The following LRP1B variants were observed in gnomAD, a reference collection of about 807,000 sequenced individuals.
LRP1B encodes LDL receptor related protein 1B, also known as low-density lipoprotein receptor-related protein 1B.
Under a neutral mutation model 556.6 loss-of-function variants are expected in LRP1B, and 217 were observed. That is an observed-to-expected ratio of 0.39 (90% CI 0.35 to 0.44). LRP1B has a LOEUF of 0.44. LRP1B is among the 20% of genes least tolerant of loss of function. LRP1B has a pLI of 1.00. For synonymous variants in LRP1B, 2,047 were observed against 1,865.8 expected, an observed-to-expected ratio of 1.10 and a Z score of -2.50; for missense variants, 5,053 against 5,620.8, an observed-to-expected ratio of 0.90 and a Z score of 3.23.
At chr2:140,823,782 C>T (rs1691408032) in intron 31 of LRP1B, among the ~76,000 whole-genome samples, 1 of 151,362 alleles carries the variant, frequency 6.6e-6, no homozygotes, top group Non-Finnish European at 1.5e-5. Context: ...TTAAATTATT[C>T]AGAAAGACAG....
chr2:141,239,601 A>G (rs1573697841), intron 5 of LRP1B, among the ~76,000 whole-genome samples: 1 of 152,138 alleles, frequency 6.6e-6, no homozygotes, highest in South Asian at 2.1e-4. Flanking sequence ...ATATATTTGC[A>G]GGATTGGCCT....
chr2:141,706,751 T>C (rs1692157762), intron 2 of LRP1B, among the ~76,000 whole-genome samples: 1 of 152,120 alleles, frequency 6.6e-6, no homozygotes, highest in Non-Finnish European at 1.5e-5. Context: ...ATGGATTATG[T>C]AAAATTTTCA....
chr2:141,010,121 T>C (rs1697698030), intron 14 of LRP1B, among the ~76,000 whole-genome samples: 1 of 152,078 alleles, frequency 6.6e-6, no homozygotes, highest in Non-Finnish European at 1.5e-5. Context: ...ATGTCTTCTA[T>C]TTGTCATAAA....
intron 2 of LRP1B, among the ~76,000 whole-genome samples, chr2:141,722,713 G>A (rs1692869136): frequency 6.7e-6 from 1 of 149,052 alleles, no homozygotes; most frequent in African/African-American, 2.5e-5. Context: ...AAGACAGATA[G>A]ACAGGCAGAT....
chr2:141,753,714 A>G (rs1455711930), intron 2 of LRP1B, among the ~76,000 whole-genome samples: 8 of 152,208 alleles, frequency 5.3e-5, no homozygotes, highest in Non-Finnish European at 1.2e-4. Context: ...CAAGATCTCA[A>G]TTCGACAGCA....
chr2:141,361,370 T>C lies in LRP1B; in HGVS notation c.344-106729A>G, dbSNP rs558873246. Among the ~76,000 whole-genome samples the C allele has an allele frequency of 2.6e-5, 4 of 152,296 alleles. No individual in the cohort carries two copies. In the South Asian group the frequency reaches 8.3e-4, roughly 32 times the overall value. Reference sequence around the variant, plus strand: ...TTTCTACTCTTTCTCTCAGAATAGGTTCCTTATTGTTTCTTGCTTGTCTAA... The same window carrying C: ...TTTCTACTCTTTCTCTCAGAATAGGCTCCTTATTGTTTCTTGCTTGTCTAA... On this transcript the variant is annotated intron_variant, in intron 3 of 90. Coordinates refer to ENST00000389484, the MANE Select transcript of LRP1B (RefSeq NM_018557.3).
chr2:141,121,497 C>A lies in LRP1B; in HGVS notation c.1014-59224G>T, dbSNP rs1701047111. On this transcript the variant is annotated intron_variant, in intron 7 of 90. Transcript: ENST00000389484. ...CAAATCATGAGTGAACTCCCATTCA[C>A]AACTGCTTCAAAGAGAATAAAATAC... Among the ~76,000 whole-genome samples, 4 of 152,162 alleles carry A rather than the reference C, an allele frequency of 2.6e-5. No homozygotes were observed. In the South Asian group the frequency reaches 8.3e-4, roughly 32 times the overall value.
intron 7 of LRP1B, among the ~76,000 whole-genome samples, chr2:141,110,854 A>G (rs1053362196): frequency 6.6e-6 from 1 of 152,190 alleles, no homozygotes; most frequent in Admixed American, 6.5e-5. Context: ...TGTCTGTTGA[A>G]TCTTAAAATT....
intron 18 of LRP1B, among the ~76,000 whole-genome samples, chr2:140,953,882 C>G (rs567491318): frequency 6.6e-6 from 1 of 152,292 alleles, no homozygotes; most frequent in Non-Finnish European, 1.5e-5. Flanking sequence ...CCCCATCCAG[C>G]ACTCTTTGTA....
chr2:141,412,793 C>A (rs1288768368), intron 3 of LRP1B, among the ~76,000 whole-genome samples: 1 of 152,026 alleles, frequency 6.6e-6, no homozygotes, highest in Admixed American at 6.6e-5. Flanking sequence ...AATCCTGAAT[C>A]CCCCAAAATT....
rs147017724 is a variant in LRP1B at position 141,188,525 on chromosome 2, G to A, written c.909C>T (p.Val303=). The A allele has an allele frequency of 7.2e-4, 1,160 of 1,612,710 alleles. 19 individuals are homozygous for A. In the East Asian group the frequency reaches 0.017, roughly 24 times the overall value. ...AATTACAAACAAAGATCCGGTCACC[G>A]ACATGGTCCACAAAATAGAGATTTC... is the stretch of plus-strand genomic sequence containing the variant. The part of the protein sequence containing the change: ...LTRNLYFVDH[V]GDRIFVCNSN... Residue 303 remains valine (V), a synonymous_variant, in exon 7 of 91, where the codon GTC becomes GTT. Coordinates refer to ENST00000389484, the MANE Select transcript of LRP1B (RefSeq NM_018557.3).
intron 3 of LRP1B, among the ~76,000 whole-genome samples, chr2:141,442,222 G>A (rs1444013141): frequency 6.6e-6 from 1 of 151,924 alleles, no homozygotes; most frequent in Non-Finnish European, 1.5e-5. Context: ...AAGTATATGT[G>A]GAAAAGTCTG....
Position 141,741,093 on chromosome 2 carries a change from G to A in LRP1B, c.205+69186C>T, listed in dbSNP as rs1008138253. On this transcript the variant is annotated intron_variant, in intron 2 of 90. Transcript: ENST00000389484. ...GTTCCATCCATGCTGCAAATGACAG[G>A]ATCTCATTCTCTCTTTATGGCTGAA... Among the ~76,000 whole-genome samples the A allele has an allele frequency of 1.1e-4, 16 of 151,904 alleles. 1 individual carries two copies. The highest frequency in any genetic ancestry group is 8.5e-4 in the Admixed American group (13 of 15,232).
chr2:141,299,496 T>G (rs935718317), intron 3 of LRP1B, among the ~76,000 whole-genome samples: 17 of 152,218 alleles, frequency 1.1e-4, no homozygotes, highest in African/African-American at 4.1e-4. Flanking sequence ...TTACATAGCT[T>G]TGTATTATAA....
intron 66 of LRP1B, among the ~76,000 whole-genome samples, chr2:140,412,400 T>C (rs1037621856): frequency 2.0e-5 from 3 of 152,054 alleles, no homozygotes; most frequent in African/African-American, 7.2e-5. Context: ...CTTTCTTAAA[T>C]GGACTAGATA....
intron 2 of LRP1B, among the ~76,000 whole-genome samples, chr2:141,655,637 A>C (rs1025801679): frequency 6.6e-6 from 1 of 152,148 alleles, no homozygotes. Flanking sequence ...GCTACCATAA[A>C]GATATTCTGC....
At chr2:141,979,926 T>C (rs1019763925) in intron 1 of LRP1B, among the ~76,000 whole-genome samples, 1 of 152,136 alleles carries the variant, frequency 6.6e-6, no homozygotes, top group African/African-American at 2.4e-5. Flanking sequence ...CCAGTTCTTG[T>C]AATTGGTTTT....
At chr2:140,928,519 C>CTCA (rs1456802379) in intron 20 of LRP1B, among the ~76,000 whole-genome samples, 1 of 152,024 alleles carries the variant, frequency 6.6e-6, no homozygotes, top group African/African-American at 2.4e-5. Context: ...TCTGGATGGC[C>CTCA]TCATATCTGA....
In LRP1B at chr2:141,638,985, C is replaced by CAA. The variant is rs1199825487; in HGVS notation, c.206-158454_206-158453dup. Among the ~76,000 whole-genome samples, 22 of 49,890 alleles carry CAA rather than the reference C, an allele frequency of 4.4e-4. 1 individual carries two copies. The highest frequency in any genetic ancestry group is 2.8e-3 in the East Asian group (6 of 2,146). The allele number at this position is 49,890 out of a possible 152,430, so 32.7% of individuals were successfully genotyped here. A position where few individuals can be genotyped will look rare whatever the true frequency, so the allele number is the denominator to read the frequency against. ...TATATATATGGCTACCTTAGAGTCT[C>CAA]AAAAAAAAATATATATATATATATA... On this transcript the variant is annotated intron_variant, in intron 2 of 90. Transcript: ENST00000389484.
Sources: allele counts gnomAD v4.1 joint callset (sites outside exome capture counted in the v4.1 genomes callset), GRCh38; gene constraint gnomAD v4.1.1; transcripts MANE v1.5; gene names NCBI Gene and HGNC (gene_info 2026-07-23, HGNC 2026-07-21).